Variants in SIPA1L1 observed in about 807,000 individuals in gnomAD.
The protein encoded by SIPA1L1 is signal induced proliferation associated 1 like 1.
Under a neutral mutation model 162.7 loss-of-function variants are expected in SIPA1L1, and 26 were observed. The observed-to-expected ratio is 0.16, with a 90% CI of 0.12 to 0.22. SIPA1L1 has a LOEUF of 0.22. Among genes scored for constraint, SIPA1L1 ranks in the 10% least tolerant of loss-of-function variants. The probability of loss-of-function intolerance (pLI) is 1.00; values close to 1 mark genes in which losing one functional copy is unlikely to be tolerated. For missense variants in SIPA1L1, 1,874 were observed against 2,241.0 expected (o/e 0.84, Z 3.31); for synonymous variants, 829 against 837.4 (o/e 0.99, Z 0.17).
At chr14:71,554,954 AAAC>A (rs1049813297) in intron 4 of SIPA1L1, among the ~76,000 whole-genome samples, 9 of 152,232 alleles carry the variant, frequency 5.9e-5, no homozygotes, top group African/African-American at 1.9e-4. Context: ...TTTAAAAAAA[AAAC>A]AACAATTTCA....
At chr14:71,363,638 T>A (rs909221668) in intron 2 of SIPA1L1, among the ~76,000 whole-genome samples, 1 of 152,218 alleles carries the variant, frequency 6.6e-6, no homozygotes, top group Non-Finnish European at 1.5e-5. Flanking sequence ...ATGATTGTCA[T>A]CTTTTGAAGA....
chr14:71,545,925 A>C (rs1203855021), intron 4 of SIPA1L1, among the ~76,000 whole-genome samples: 1 of 152,158 alleles, frequency 6.6e-6, no homozygotes, highest in East Asian at 1.9e-4. Flanking sequence ...ACACAGTGAG[A>C]ACCCATCTCT....
chr14:71,664,862 T>C (rs2043857139), intron 10 of SIPA1L1, among the ~76,000 whole-genome samples: 1 of 152,094 alleles, frequency 6.6e-6, no homozygotes, highest in African/African-American at 2.4e-5. Flanking sequence ...TATATGGATA[T>C]TTATGAGAAG....
intron 2 of SIPA1L1, among the ~76,000 whole-genome samples, chr14:71,386,321 G>A (rs2040320694): frequency 6.6e-6 from 1 of 152,184 alleles, no homozygotes; most frequent in African/African-American, 2.4e-5. Flanking sequence ...GGGAGACTCA[G>A]CCAGTCTAGT....
In SIPA1L1 at chr14:71,661,352, G is replaced by A; in HGVS notation, c.2140G>A (p.Val714Ile). The A allele has an allele frequency of 6.2e-7, 1 of 1,613,912 alleles. No homozygotes were observed. The change falls in exon 10 of 24, where the codon GTT becomes ATT. Residue 714 changes from valine (V) to isoleucine (I), a missense_variant. Transcript: ENST00000381232. ...RHIGNDIVTIVFQEPGAQPFS... is the reference protein window; with the variant it reads ...RHIGNDIVTIIFQEPGAQPFS... The stretch of plus-strand genomic sequence containing the variant: ...CATTGGAAATGATATCGTAACAATT[G>A]TTTTCCAAGAGCCTGGAGCACAGCC...
intron 7 of SIPA1L1, 64 bp downstream of exon 7, chr14:71,624,300 G>T: frequency 7.4e-7 from 1 of 1,345,576 alleles, no homozygotes; most frequent in South Asian, 1.4e-5. Flanking sequence ...CCGGAATACA[G>T]ACCTTAATGT....
chr14:71,617,813 A>C (rs1275656242), intron 5 of SIPA1L1, among the ~76,000 whole-genome samples: 2 of 152,216 alleles, frequency 1.3e-5, no homozygotes, highest in African/African-American at 4.8e-5. Context: ...GAAATACAGT[A>C]ATGTAAAGTA....
intron 2 of SIPA1L1, among the ~76,000 whole-genome samples, chr14:71,471,182 G>T (rs190799641): frequency 1.4e-3 from 211 of 152,236 alleles, no homozygotes; most frequent in Non-Finnish European, 2.5e-3. Flanking sequence ...CTTAATAGTG[G>T]GAATTGGGCC....
intron 7 of SIPA1L1, among the ~76,000 whole-genome samples, chr14:71,642,563 A>T (rs1190369237): frequency 1.3e-5 from 2 of 152,346 alleles, no homozygotes; most frequent in Middle Eastern, 3.4e-3. Context: ...CAAGGCTCAA[A>T]CTCTTGCCAA....
chr14:71,651,485 C>A lies in SIPA1L1; in HGVS notation c.1993+976C>A, dbSNP rs536241252. On this transcript the variant is annotated intron_variant, in intron 8 of 23. Transcript: ENST00000381232. ...CGACATGCAAGAGAGACTATTAAAA[C>A]CCATAAATAGCCTAGCTGCTTAAAT... Among the ~76,000 whole-genome samples the A allele has an allele frequency of 7.2e-5, 11 of 152,294 alleles. No homozygotes were observed. In the South Asian group the frequency reaches 2.3e-3, roughly 32 times the overall value.
At chr14:71,680,057 A>G (rs116461967) in intron 12 of SIPA1L1, among the ~76,000 whole-genome samples, 1,844 of 151,954 alleles carry the variant, frequency 0.012, 45 homozygotes, top group African/African-American at 0.042. Flanking sequence ...CAGGAATTGA[A>G]CTCTGCACCA....
At chr14:71,707,205 C>T (rs1044875091) in intron 16 of SIPA1L1, among the ~76,000 whole-genome samples, 2 of 151,954 alleles carry the variant, frequency 1.3e-5, no homozygotes, top group Non-Finnish European at 2.9e-5. Context: ...CTAGACTTCC[C>T]GCCTCCCTCT....
chr14:71,463,707 G>A (rs1227233335), intron 2 of SIPA1L1, among the ~76,000 whole-genome samples: 1 of 152,132 alleles, frequency 6.6e-6, no homozygotes, highest in African/African-American at 2.4e-5. Context: ...TGATTGAGGG[G>A]CCATGATTCT....
intron 2 of SIPA1L1, among the ~76,000 whole-genome samples, chr14:71,427,964 G>A (rs1185043349): frequency 2.6e-5 from 4 of 151,566 alleles, no homozygotes; most frequent in African/African-American, 4.9e-5. Context: ...TTGTGATTTT[G>A]TTGTTGTTGT....
intron 2 of SIPA1L1, among the ~76,000 whole-genome samples, chr14:71,481,037 T>G (rs1170594267): frequency 1.3e-5 from 2 of 152,260 alleles, no homozygotes; most frequent in Non-Finnish European, 2.9e-5. Flanking sequence ...TTCACTTTCC[T>G]GTTTACCTTG....
At chr14:71,617,435 T>C (rs565663061) in intron 5 of SIPA1L1, among the ~76,000 whole-genome samples, 1 of 152,356 alleles carries the variant, frequency 6.6e-6, no homozygotes, top group African/African-American at 2.4e-5. Flanking sequence ...TTGTGACATT[T>C]AGTGGGTTAT....
intron 4 of SIPA1L1, among the ~76,000 whole-genome samples, chr14:71,570,518 G>T (rs1409834206): frequency 6.6e-6 from 1 of 152,026 alleles, no homozygotes; most frequent in Non-Finnish European, 1.5e-5. Flanking sequence ...AGCCACCTTG[G>T]CCTCTCAAAG....
chr14:71,647,951 C>G (rs1003570234), intron 7 of SIPA1L1, among the ~76,000 whole-genome samples: 19 of 152,060 alleles, frequency 1.2e-4, no homozygotes, highest in Admixed American at 6.6e-5. Flanking sequence ...GAATGTGTGC[C>G]TGTTCATAAT....
Position 71,587,700 on chromosome 14 carries a change from A to G in SIPA1L1, c.-173A>G, listed in dbSNP as rs999410507. 2.5e-5 allele frequency: 16 copies of G among 647,024 alleles called. No individual in the cohort carries two copies. The highest frequency in any genetic ancestry group is 5.3e-5 in the East Asian group (2 of 38,060). 40.1% of individuals were successfully genotyped at this position (647,024 alleles called of 1,614,324 possible). The stretch of plus-strand genomic sequence containing the variant: ...TGGATTATAACGTTTAGAAGTTCCA[A>G]TTTTTCAGTGCTTTACAAATAAAGC... On this transcript the variant is annotated 5_prime_UTR_variant, in exon 5 of 24. Transcript: ENST00000381232.
Sources: allele counts gnomAD v4.1 joint callset (sites outside exome capture counted in the v4.1 genomes callset), GRCh38; gene constraint gnomAD v4.1.1; transcripts MANE v1.5; gene names NCBI Gene and HGNC (gene_info 2026-07-23, HGNC 2026-07-21).